The following RAPGEF1 variants were observed in gnomAD, a reference collection of about 807,000 sequenced individuals.
RAPGEF1 encodes the protein CRK SH3-binding GNRP.
A neutral mutation model predicts 143.3 loss-of-function variants in RAPGEF1; 33 were observed. That is an observed-to-expected ratio of 0.23 (90% CI 0.17 to 0.31). RAPGEF1 has a LOEUF of 0.31. RAPGEF1 is among the 10% of genes least tolerant of loss of function. The pLI, the probability that RAPGEF1 is intolerant of heterozygous loss-of-function variation, is 1.00. For synonymous variants in RAPGEF1, 629 were observed against 676.5 expected, an observed-to-expected ratio of 0.93 and a Z score of 1.09; for missense variants, 1,199 against 1,645.4, an observed-to-expected ratio of 0.73 and a Z score of 4.69.
chr9:131,628,784 A>G lies in RAPGEF1; in HGVS notation c.894-112T>C, dbSNP rs535972052. 89 of 1,385,726 alleles carry G rather than the reference A, an allele frequency of 6.4e-5. No individual in the cohort carries two copies. The South Asian group carries it at 1.2e-3, about 19-fold the overall frequency. 85.8% of individuals were successfully genotyped at this position (1,385,726 alleles called of 1,614,324 possible). ...TTTCATTACTAGACTCTCCACACCC[A>G]ATGTTCACACTTCAACTCCTGCCTA... is the stretch of plus-strand genomic sequence containing the variant. On this transcript the variant is annotated intron_variant, in intron 7 of 26. Transcript: ENST00000683357. This position sits in a 1 kb window ranked among gnomAD's most constrained non-coding sequence, Gnocchi z 5.7.
rs368374679 is a variant in RAPGEF1, at chr9:131,604,093, G to C, written c.2320-40C>G. On this transcript the variant is annotated intron_variant, in intron 13 of 26. Coordinates refer to ENST00000683357, the MANE Select transcript of RAPGEF1 (RefSeq NM_001377935.1). ...ACGAGAGGAAAGACACATGGGCCAGGCCCTCCAGCCGGCCCTCACAGCTGG... is the reference window on the plus strand; with the variant it reads ...ACGAGAGGAAAGACACATGGGCCAGCCCCTCCAGCCGGCCCTCACAGCTGG... 3.6e-5 allele frequency: 44 copies of C among 1,233,132 alleles called. No homozygotes were observed. The African/African-American group carries it at 6.0e-4, about 17-fold the overall frequency. 76.4% of individuals were successfully genotyped at this position (1,233,132 alleles called of 1,614,324 possible).
At chr9:131,595,606 T>C (rs1193317076) in intron 17 of RAPGEF1, among the ~76,000 whole-genome samples, 3 of 152,218 alleles carry the variant, frequency 2.0e-5, no homozygotes, top group African/African-American at 7.2e-5. Context: ...CAGGTGGTGC[T>C]GGCCCCTTGA....
chr9:131,721,091 G>A (rs1045517271), intron 1 of RAPGEF1, among the ~76,000 whole-genome samples: 2 of 152,196 alleles, frequency 1.3e-5, no homozygotes, highest in African/African-American at 4.8e-5. Flanking sequence ...CAATCCCACC[G>A]ACCCTCCCGC....
At chr9:131,593,353 A>T (rs1247136009) in intron 17 of RAPGEF1, among the ~76,000 whole-genome samples, 1 of 152,228 alleles carries the variant, frequency 6.6e-6, no homozygotes, top group Non-Finnish European at 1.5e-5. Context: ...GTGGAATTTT[A>T]AAATGTAGGA....
rs1033079330 is a variant in RAPGEF1 at position 131,649,972 on chromosome 9, G to C, written c.315+157C>G. Among the ~76,000 whole-genome samples, 3 of 152,232 alleles carry C rather than the reference G, an allele frequency of 2.0e-5. No homozygotes were observed. In the South Asian group the frequency reaches 6.2e-4, roughly 32 times the overall value. Reference sequence around the variant, plus strand: ...TGCATAAACTCTCACTTTTATCCAAGGTCCCCTGGACTCTTTCCTGAACAA... The same window carrying C: ...TGCATAAACTCTCACTTTTATCCAACGTCCCCTGGACTCTTTCCTGAACAA... On this transcript the variant is annotated intron_variant, in intron 3 of 26. Coordinates refer to ENST00000683357, the MANE Select transcript of RAPGEF1 (RefSeq NM_001377935.1).
rs528556879 is a variant in RAPGEF1, at chr9:131,688,468, C to T, written c.62-37519G>A. ...GGCATCCTTGACTCACTTTATACTGCTAAATAAAACGTACAAGGGCCTACA... is the reference window on the plus strand; with the variant it reads ...GGCATCCTTGACTCACTTTATACTGTTAAATAAAACGTACAAGGGCCTACA... On this transcript the variant is annotated intron_variant, in intron 1 of 26. Transcript: ENST00000683357. 2.8e-4 allele frequency among the ~76,000 whole-genome samples: 43 copies of T among 152,272 alleles called. No individual in the cohort carries two copies. In the South Asian group the frequency reaches 8.1e-3, roughly 29 times the overall value.
At chr9:131,707,323 A>G (rs952241047) in intron 1 of RAPGEF1, among the ~76,000 whole-genome samples, 1 of 152,280 alleles carries the variant, frequency 6.6e-6, no homozygotes, top group Non-Finnish European at 1.5e-5. Flanking sequence ...GAAAGAAAGT[A>G]TAACAAACCT....
At chr9:131,701,749 G>A (rs1834665868) in intron 1 of RAPGEF1, among the ~76,000 whole-genome samples, 1 of 152,010 alleles carries the variant, frequency 6.6e-6, no homozygotes, top group Non-Finnish European at 1.5e-5. Flanking sequence ...CCTAACTTAG[G>A]AGACACAAAG....
chr9:131,722,630 G>A (rs1166217972), intron 1 of RAPGEF1, among the ~76,000 whole-genome samples: 1 of 152,232 alleles, frequency 6.6e-6, no homozygotes, highest in East Asian at 1.9e-4. Context: ...GGGGACAGCA[G>A]GGGCCCAGTA....
intron 16 of RAPGEF1, 133 bp from the exon 17 acceptor site, chr9:131,596,506 G>T: frequency 1.1e-6 from 1 of 895,542 alleles, no homozygotes; most frequent in Non-Finnish European, 1.8e-6. Context: ...TGTGCTCCTC[G>T]GCCCAGGAGC....
At chr9:131,707,254 A>G (rs569914176) in intron 1 of RAPGEF1, among the ~76,000 whole-genome samples, 1 of 152,172 alleles carries the variant, frequency 6.6e-6, no homozygotes, top group Non-Finnish European at 1.5e-5. Flanking sequence ...TTCTGAAGAC[A>G]CTGTACTATG....
chr9:131,729,240 C>T (rs900175385), intron 1 of RAPGEF1, among the ~76,000 whole-genome samples: 1 of 150,840 alleles, frequency 6.6e-6, no homozygotes, highest in Non-Finnish European at 1.5e-5. Flanking sequence ...GTACACAACG[C>T]AGGTGGTGGC....
chr9:131,607,777 T>C (rs1376280289), intron 12 of RAPGEF1, among the ~76,000 whole-genome samples: 3 of 152,208 alleles, frequency 2.0e-5, no homozygotes, highest in African/African-American at 7.2e-5. Context: ...TGACTCCTTC[T>C]GGAGTCTTGA....
intron 1 of RAPGEF1, among the ~76,000 whole-genome samples, chr9:131,656,901 A>C (rs747281220): frequency 3.9e-5 from 6 of 152,202 alleles, no homozygotes; most frequent in African/African-American, 7.2e-5. Context: ...GCCTACCAAT[A>C]AATCTCCCTC....
intron 1 of RAPGEF1, among the ~76,000 whole-genome samples, chr9:131,737,716 A>G (rs889931172): frequency 4.6e-5 from 7 of 152,052 alleles, no homozygotes; most frequent in African/African-American, 1.4e-4. Flanking sequence ...TGTAATCCCA[A>G]CACTTTGGGA....
chr9:131,645,205 G>C (rs1472613699), intron 3 of RAPGEF1, among the ~76,000 whole-genome samples: 3 of 152,182 alleles, frequency 2.0e-5, no homozygotes, highest in Admixed American at 6.5e-5. Context: ...TGAAGGAGTC[G>C]CAGTGCCGAC....
At chr9:131,652,343 T>G (rs868176256) in intron 1 of RAPGEF1, among the ~76,000 whole-genome samples, 9 of 152,154 alleles carry the variant, frequency 5.9e-5, no homozygotes, top group African/African-American at 2.2e-4. Context: ...CTGGAATTCC[T>G]GGGCTCAGAC....
At chr9:131,657,659 G>A (rs1041925805) in intron 1 of RAPGEF1, among the ~76,000 whole-genome samples, 2 of 152,090 alleles carry the variant, frequency 1.3e-5, no homozygotes, top group Non-Finnish European at 2.9e-5. Context: ...TGTGGCTGAG[G>A]CACTGAACTG....
At position 131,589,912 on chromosome 9, in the gene RAPGEF1, C is replaced by G; in HGVS notation, c.2841G>C (p.Val947=). The G allele has an allele frequency of 6.2e-7, 1 of 1,613,862 alleles. No homozygotes were observed. The highest frequency in any genetic ancestry group is 1.3e-5 in the African/African-American group (1 of 75,018). Residue 947 remains valine, a synonymous_variant, in exon 19 of 27, where the codon GTG becomes GTC. Transcript: ENST00000683357. ...KKRVSKNTFF[V]LVRVVDELCL... is the part of the protein sequence containing the mutation. ...AGAGCTCATCCACCACCCGTACCAG[C>G]ACGAAGAACGTGTTCTTGCTGACGC...
Sources: gnomAD v4.1 joint callset for allele counts (sites outside exome capture counted in the v4.1 genomes callset) on GRCh38, gnomAD v4.1.1 for gene constraint, Gnocchi (gnomAD v3.1) non-coding constraint, MANE v1.5 for transcripts, NCBI Gene and HGNC (gene_info 2026-07-23, HGNC 2026-07-21) for gene names.